Variants in SLC66A1 observed in about 807,000 individuals in gnomAD.
SLC66A1 encodes solute carrier family 66 member 1, also known as lysosomal amino acid transporter 1 homolog.
In SLC66A1, 23 loss-of-function variants were observed where a neutral mutation model predicts 33.0. The ratio of observed to expected loss-of-function variants is 0.70; its 90% CI spans 0.50 to 0.99. The LOEUF is 0.99. Ranked by LOEUF, SLC66A1 falls within the 50% of genes least tolerant of loss-of-function variation. SLC66A1 has a pLI of 0.00. For missense variants in SLC66A1, 335 were observed against 383.6 expected (o/e 0.87, Z 1.06); for synonymous variants, 164 against 175.5 (o/e 0.93, Z 0.52).
At chr1:19,321,567 A>ATTTTTTTTTTTTTTTTTTTTT (rs35415316) in intron 2 of SLC66A1, among the ~76,000 whole-genome samples, 1 of 132,450 alleles carries the variant, frequency 7.6e-6, no homozygotes. Context: ...GTCCAACCTC[A>ATTTTTTTTTTTTTTTTTTTTT]TTTTTTTTTT....
chr1:19,325,632 CAG>C, intron 4 of SLC66A1, 50 bp downstream of exon 4: 45 of 950,506 alleles, frequency 4.7e-5, no homozygotes, highest in Non-Finnish European at 6.5e-5. Context: ...CAGCAGGGGG[CAG>C]TTGTGGGGGG....
chr1:19,320,229 T>C (rs1353184565), intron 2 of SLC66A1, among the ~76,000 whole-genome samples: 3 of 151,772 alleles, frequency 2.0e-5, no homozygotes, highest in Non-Finnish European at 2.9e-5. Context: ...TGGGGAAATA[T>C]GTTTTTATTT....
chr1:19,331,871 T>G (rs2093893424), downstream of SLC66A1, among the ~76,000 whole-genome samples: 1 of 152,194 alleles, frequency 6.6e-6, no homozygotes, highest in African/African-American at 2.4e-5. Context: ...TGGGGTGACA[T>G]AATCCCTTCC....
chr1:19,316,353 T>TGTG (rs2093805482), intron 1 of SLC66A1, among the ~76,000 whole-genome samples: 87 of 144,916 alleles, frequency 6.0e-4, no homozygotes, highest in Non-Finnish European at 9.5e-4. Flanking sequence ...TCTTTATGGT[T>TGTG]TGTGTGTGTG....
chr1:19,328,698 GGA>G lies in SLC66A1; in HGVS notation c.*57_*58del, dbSNP rs2093882769. ...GCACCACCGGATGCCACACCAGGCA[GGA>G]GGAGGTGTGGACAGTGATGGTACGG... On this transcript the variant is annotated 3_prime_UTR_variant, in exon 8 of 8. Transcript: ENST00000375153. The surrounding 1 kb of genome is among the most constrained non-coding windows in gnomAD (Gnocchi z 4.7). 6 of 1,576,402 alleles carry G rather than the reference GGA, an allele frequency of 3.8e-6. No individual in the cohort carries two copies.
In SLC66A1 at chr1:19,326,272, T is replaced by C. The variant is rs148404958; in HGVS notation, c.410T>C (p.Leu137Ser). Residue 137 changes from leucine to serine, a missense_variant, in exon 5 of 8, where the codon TTG becomes TCG. Leu to Ser is a moderately radical substitution (Grantham distance 145, BLOSUM62 -2). Coordinates refer to ENST00000375153, the MANE Select transcript of SLC66A1 (RefSeq NM_001040125.2). Reference protein sequence around the residue: ...LLSAPINSVLLFLMGMACATP... With the variant: ...LLSAPINSVLSFLMGMACATP... The stretch of plus-strand genomic sequence containing the variant: ...TCTGCCCCCATCAACTCCGTGCTGT[T>C]GTTCCTCATGGGGATGGCGTGCGCC... 3.9e-4 allele frequency: 627 copies of C among 1,606,428 alleles called. No individual in the cohort carries two copies. Among genetic ancestry groups the C allele is most frequent in the South Asian group, 9.9e-4 (90 of 91,034 alleles).
chr1:19,322,775 C>T (rs1253242808), intron 2 of SLC66A1, among the ~76,000 whole-genome samples: 1 of 152,166 alleles, frequency 6.6e-6, no homozygotes, highest in African/African-American at 2.4e-5. Flanking sequence ...GAGCCTGGGG[C>T]CTTGCAAGGA....
At chr1:19,332,978 G>A (rs1202974714), downstream of SLC66A1, among the ~76,000 whole-genome samples, 3 of 152,298 alleles carry the variant, frequency 2.0e-5, no homozygotes, top group East Asian at 5.8e-4. Context: ...CCTGTTGAAC[G>A]AGACACTGTA....
chr1:19,334,132 G>A (rs571454834), downstream of SLC66A1, among the ~76,000 whole-genome samples: 17 of 152,258 alleles, frequency 1.1e-4, 1 homozygote, highest in South Asian at 3.5e-3. Flanking sequence ...CGGTTACTAA[G>A]TACTCCACCC....
In SLC66A1 at chr1:19,328,912, GGCCACA is replaced by G. The variant is rs994005792; in HGVS notation, c.*279_*284del. ...CCTCATTCTGCCTACTCACCCCAGG[GGCCACA>G]GCCACAGCCTGCTGGACTCAGGACT... On this transcript the variant is annotated 3_prime_UTR_variant, in exon 8 of 8. Transcript: ENST00000375153. The surrounding 1 kb of genome is among the most constrained non-coding windows in gnomAD (Gnocchi z 4.7). The G allele has an allele frequency of 9.0e-6, 5 of 556,246 alleles. No individual in the cohort carries two copies. The highest frequency in any genetic ancestry group is 3.8e-5 in the African/African-American group (2 of 52,876). 34.5% of individuals were successfully genotyped at this position (556,246 alleles called of 1,614,324 possible). A position where few individuals can be genotyped will look rare whatever the true frequency, so the allele number is the denominator to read the frequency against.
At chr1:19,314,218 C>G (rs1244437989) in intron 1 of SLC66A1, among the ~76,000 whole-genome samples, 2 of 152,192 alleles carry the variant, frequency 1.3e-5, no homozygotes, top group Non-Finnish European at 2.9e-5. Context: ...CAGAGTGTCC[C>G]GAGCTCCACA....
Position 19,328,489 on chromosome 1 carries a change from G to A in SLC66A1, c.805-83G>A. 6.1e-6 allele frequency: 8 copies of A among 1,305,796 alleles called. No homozygotes were observed. The South Asian group carries it at 1.0e-4, about 16-fold the overall frequency. 80.9% of individuals were successfully genotyped at this position (1,305,796 alleles called of 1,614,324 possible). On this transcript the variant is annotated intron_variant, in intron 7 of 7. Transcript: ENST00000375153. This position sits in a 1 kb window ranked among gnomAD's most constrained non-coding sequence, Gnocchi z 4.7. Reference sequence around the variant, plus strand: ...GGGGGTGGGAGGGAGGGGAGAGGGAGGCAGCTCCCAGGAGTCGAAGGCCCC... The same window carrying A: ...GGGGGTGGGAGGGAGGGGAGAGGGAAGCAGCTCCCAGGAGTCGAAGGCCCC...
At chr1:19,319,610 T>TTTTTTG in intron 2 of SLC66A1, among the ~76,000 whole-genome samples, 9 of 148,130 alleles carry the variant, frequency 6.1e-5, no homozygotes, top group African/African-American at 1.8e-4. Context: ...TTCATGTTTT[T>TTTTTTG]TTTTTTTTTT....
chr1:19,323,073 C>T (rs1028507746), intron 2 of SLC66A1, among the ~76,000 whole-genome samples: 2 of 151,954 alleles, frequency 1.3e-5, no homozygotes, highest in Non-Finnish European at 2.9e-5. Flanking sequence ...GAGACAGGGT[C>T]TTGCTGTGTT....
intron 7 of SLC66A1, chr1:19,327,848 G>C: frequency 2.9e-6 from 1 of 344,818 alleles, no homozygotes; most frequent in East Asian, 7.5e-5. Context: ...TCAGGCGAAG[G>C]CAGGAGAGGA....
intron 2 of SLC66A1, among the ~76,000 whole-genome samples, chr1:19,319,817 T>C (rs12732172): frequency 0.33 from 49,081 of 149,746 alleles, 8,106 homozygotes; most frequent in Middle Eastern, 0.37. Flanking sequence ...GCAGGGGAAT[T>C]GCTTGAGCCC....
intron 4 of SLC66A1, 64 bp downstream of exon 4, chr1:19,325,646 G>GGGGGGA: frequency 1.6e-6 from 2 of 1,272,034 alleles, no homozygotes; most frequent in African/African-American, 1.6e-5. Flanking sequence ...TGTGGGGGGG[G>GGGGGGA]GCGCCTGGAG....
At chr1:19,317,445 T>G (rs772650908) in intron 1 of SLC66A1, among the ~76,000 whole-genome samples, 155 bp from the exon 2 acceptor site, 1 of 152,196 alleles carries the variant, frequency 6.6e-6, no homozygotes, top group Non-Finnish European at 1.5e-5. Flanking sequence ...ACCTGGGAGC[T>G]GATTGGGTCC....
At chr1:19,319,611 T>G (rs997559097) in intron 2 of SLC66A1, among the ~76,000 whole-genome samples, 1 of 148,476 alleles carries the variant, frequency 6.7e-6, no homozygotes, top group Non-Finnish European at 1.5e-5. Flanking sequence ...TCATGTTTTT[T>G]TTTTTTTTTT....
Sources: allele counts gnomAD v4.1 joint callset (sites outside exome capture counted in the v4.1 genomes callset), GRCh38; gene constraint gnomAD v4.1.1; non-coding constraint Gnocchi (gnomAD v3.1); transcripts MANE v1.5; gene names NCBI Gene and HGNC (gene_info 2026-07-23, HGNC 2026-07-21).